Variants in TJP1 observed in about 807,000 individuals in gnomAD.
The protein encoded by TJP1 is tight junction protein ZO-1.
A neutral mutation model predicts 194.2 loss-of-function variants in TJP1; 43 were observed. That is an observed-to-expected ratio of 0.22 (90% CI 0.17 to 0.29). The LOEUF (loss-of-function observed/expected upper bound fraction) is 0.29, where lower values mean the gene tolerates loss of function less well. Ranked by LOEUF, TJP1 falls within the 10% of genes least tolerant of loss-of-function variation. The pLI is 1.00. For synonymous variants in TJP1, 801 were observed against 779.0 expected (o/e 1.03, Z -0.47); for missense variants, 1,971 against 2,185.7 (o/e 0.90, Z 1.96).
chr15:29,941,550 G>C (rs1257262547), intron 2 of TJP1, among the ~76,000 whole-genome samples: 3 of 152,122 alleles, frequency 2.0e-5, no homozygotes, highest in African/African-American at 7.2e-5. Context: ...CAACCAGCTG[G>C]TGTGAGCTCC....
rs2041463846 is a variant in TJP1, at chr15:29,700,335, T to C, written c.*1260A>G. ...AAATACACTTTAGGGCACAGCATTG[T>C]ATCACAAATTACAGTAGGGATACTT... On this transcript the variant is annotated 3_prime_UTR_variant, in exon 28 of 28. Transcript: ENST00000614355. 5.0e-6 allele frequency: 2 copies of C among 398,846 alleles called. No individual in the cohort carries two copies. Among genetic ancestry groups the C allele is most frequent in the Non-Finnish European group, 8.8e-6 (2 of 226,050 alleles). The allele number at this position is 398,846 out of a possible 1,614,324, so 24.7% of individuals were successfully genotyped here.
chr15:29,873,790 G>A (rs1322632983), intron 2 of TJP1, among the ~76,000 whole-genome samples: 4 of 152,220 alleles, frequency 2.6e-5, no homozygotes, highest in South Asian at 2.1e-4. Flanking sequence ...TCAAGCTAAT[G>A]ATGTACCCCT....
intron 24 of TJP1, among the ~76,000 whole-genome samples, chr15:29,710,291 C>CTT (rs1282202201): frequency 1.3e-5 from 2 of 152,126 alleles, no homozygotes; most frequent in Non-Finnish European, 2.9e-5. Context: ...TGCTTGAAGA[C>CTT]TCACAAGCCC....
chr15:29,791,376 G>A (rs1177874871), intron 2 of TJP1, among the ~76,000 whole-genome samples: 3 of 139,600 alleles, frequency 2.1e-5, no homozygotes, highest in Non-Finnish European at 4.6e-5. Flanking sequence ...TCATATGGTT[G>A]CTCTATTTTC....
At chr15:29,924,841 G>A (rs2054477379) in intron 2 of TJP1, among the ~76,000 whole-genome samples, 1 of 152,220 alleles carries the variant, frequency 6.6e-6, no homozygotes, top group African/African-American at 2.4e-5. Flanking sequence ...GTTATCTAAG[G>A]AATGCTGGGA....
intron 2 of TJP1, among the ~76,000 whole-genome samples, chr15:29,937,340 T>C (rs2054918828): frequency 6.6e-6 from 1 of 152,246 alleles, no homozygotes. Context: ...GGGTAAAGTC[T>C]TGGCTTTCTC....
intron 2 of TJP1, among the ~76,000 whole-genome samples, chr15:29,936,878 A>G (rs144012682): frequency 6.6e-6 from 1 of 152,158 alleles, no homozygotes; most frequent in Non-Finnish European, 1.5e-5. Flanking sequence ...AGCCCAGTGG[A>G]GTCCAGCTAC....
intron 1 of TJP1, among the ~76,000 whole-genome samples, chr15:29,805,767 A>T (rs2049072937): frequency 6.6e-6 from 1 of 152,182 alleles, no homozygotes; most frequent in Non-Finnish European, 1.5e-5. Flanking sequence ...GCTGTTATGG[A>T]AGATGCAAAA....
chr15:29,949,284 C>T (rs2055433681), intron 2 of TJP1, among the ~76,000 whole-genome samples: 2 of 100,744 alleles, frequency 2.0e-5, no homozygotes, highest in Admixed American at 9.9e-5. Flanking sequence ...ATCACCTCCA[C>T]CGCCATCACC....
chr15:29,782,761 C>T (rs2047443299), intron 2 of TJP1, among the ~76,000 whole-genome samples: 2 of 151,846 alleles, frequency 1.3e-5, no homozygotes, highest in African/African-American at 4.8e-5. Context: ...AACAGACAAC[C>T]TACAGAATAT....
intron 2 of TJP1, among the ~76,000 whole-genome samples, chr15:29,947,535 C>T (rs777907361): frequency 6.6e-6 from 1 of 152,136 alleles, no homozygotes; most frequent in Non-Finnish European, 1.5e-5. Flanking sequence ...ACAAAGTACC[C>T]GTTTCCTCCT....
At position 29,779,918 on chromosome 15, in the gene TJP1, A is replaced by G. The variant is rs45512096; in HGVS notation, c.85-6561T>C. On this transcript the variant is annotated intron_variant, in intron 2 of 27. Transcript: ENST00000614355. The stretch of plus-strand genomic sequence containing the variant: ...AACAACCAGCTATGGAGACTTCCTT[A>G]GCATGTGAACGAAGCCATATTCTAA... Among the ~76,000 whole-genome samples the G allele has an allele frequency of 1.3e-3, 197 of 152,120 alleles. 4 individuals carry two copies. In the East Asian group the frequency reaches 0.022, roughly 17 times the overall value.
chr15:29,794,492 C>T (rs1391967042), intron 2 of TJP1, among the ~76,000 whole-genome samples: 1 of 152,172 alleles, frequency 6.6e-6, no homozygotes, highest in Non-Finnish European at 1.5e-5. Flanking sequence ...TGAGCCATTA[C>T]TTACCACAAT....
chr15:29,822,039 TC>T lies in TJP1; in HGVS notation c.-12del. On this transcript the variant is annotated 5_prime_UTR_variant, in exon 1 of 28. Coordinates refer to ENST00000614355, the MANE Select transcript of TJP1 (RefSeq NM_001330239.4). ...AGCTCTGGCGGACATCTTGTCTCTCTCCAGCGCCGCGCGAGGCTCCTCGGAC... is the reference window on the plus strand; with the variant it reads ...AGCTCTGGCGGACATCTTGTCTCTCTCAGCGCCGCGCGAGGCTCCTCGGAC... 1 of 1,324,042 alleles carries T rather than the reference TC, an allele frequency of 7.6e-7. No homozygotes were observed. The highest frequency in any genetic ancestry group is 2.2e-5 in the South Asian group (1 of 44,956). 82.0% of individuals were successfully genotyped at this position (1,324,042 alleles called of 1,614,324 possible).
intron 2 of TJP1, among the ~76,000 whole-genome samples, chr15:29,871,039 G>A (rs531278200): frequency 1.3e-5 from 2 of 152,302 alleles, no homozygotes; most frequent in African/African-American, 2.4e-5. Context: ...AGAGCAGGGA[G>A]GAGGCATTTC....
At chr15:29,731,124 C>T in intron 15 of TJP1, 1 of 622,646 alleles carries the variant, frequency 1.6e-6, no homozygotes. Context: ...ACACAGAACA[C>T]TTCATTGTTG....
chr15:29,905,360 G>GA (rs886592207), intron 2 of TJP1, among the ~76,000 whole-genome samples: 3 of 152,174 alleles, frequency 2.0e-5, no homozygotes, highest in African/African-American at 4.8e-5. Flanking sequence ...GTTAAAACTG[G>GA]AAAAAAATCT....
At chr15:29,707,330 A>G (rs927034777) in intron 25 of TJP1, among the ~76,000 whole-genome samples, 7 of 152,198 alleles carry the variant, frequency 4.6e-5, no homozygotes. Flanking sequence ...ACAGAATTAC[A>G]TGAAGGTAGC....
intron 8 of TJP1, among the ~76,000 whole-genome samples, chr15:29,745,980 A>G (rs1595731574): frequency 6.6e-6 from 1 of 152,282 alleles, no homozygotes; most frequent in East Asian, 1.9e-4. Flanking sequence ...GGTGAAGTGG[A>G]GTTGGTGGAT....
Sources: gnomAD v4.1 joint callset for allele counts (sites outside exome capture counted in the v4.1 genomes callset) on GRCh38, gnomAD v4.1.1 for gene constraint, MANE v1.5 for transcripts, NCBI Gene and HGNC (gene_info 2026-07-23, HGNC 2026-07-21) for gene names.